Variants in EFNB1 observed in about 807,000 individuals in gnomAD.
EFNB1 encodes the protein ephrin B1, also known as ephrin-B1.
In EFNB1, 1 loss-of-function variant was observed where a neutral mutation model predicts 18.1. The observed-to-expected ratio is 0.06, with a 90% CI of 0.02 to 0.26. EFNB1 has a LOEUF of 0.26. Ranked by LOEUF, EFNB1 falls within the 10% of genes least tolerant of loss-of-function variation. The pLI, the probability that EFNB1 is intolerant of heterozygous loss-of-function variation, is 1.00. For missense variants in EFNB1, 221 were observed against 301.8 expected, an observed-to-expected ratio of 0.73 and a Z score of 1.98; for synonymous variants, 131 against 127.5, an observed-to-expected ratio of 1.03 and a Z score of -0.19.
At chrX:68,829,934 G>C in intron 1 of EFNB1, 30 bp downstream of exon 1, 2 of 1,167,745 alleles carry the variant, frequency 1.7e-6, no homozygotes, top group African/African-American at 1.8e-5. Flanking sequence ...TGGACGCTGG[G>C]GTGGGAGGCA....
Position 68,838,160 on chromosome X carries a change from TGTGTGTGTGTGTGC to T in EFNB1, c.129-455_129-442del, listed in dbSNP as rs1379141160. 1.3e-4 allele frequency among the ~76,000 whole-genome samples: 7 copies of T among 54,251 alleles called. No homozygotes were observed. In the South Asian group the frequency reaches 2.2e-3, roughly 17 times the overall value. The allele number at this position is 54,251 out of a possible 115,157, so 47.1% of individuals were successfully genotyped here. The stretch of plus-strand genomic sequence containing the variant: ...GTGTGTGTGTGTGTGTGTGTGTGTG[TGTGTGTGTGTGTGC>T]GCGCGCGCGCGCGCACGTGTGTATG... On this transcript the variant is annotated intron_variant, in intron 1 of 4. Transcript: ENST00000204961.
chrX:68,833,489 G>C (rs936278425), intron 1 of EFNB1, among the ~76,000 whole-genome samples: 1 of 112,115 alleles, frequency 8.9e-6, no homozygotes, highest in Non-Finnish European at 1.9e-5. Context: ...ATGGGGATGC[G>C]TGGGCCCTGG....
Position 68,840,459 on chromosome X carries a change from C to G in EFNB1, c.846C>G (p.Leu282=). 2.5e-6 allele frequency: 3 copies of G among 1,211,833 alleles called. No individual in the cohort carries two copies. Among genetic ancestry groups the G allele is most frequent in the Non-Finnish European group, 1.1e-6 (1 of 895,451 alleles). Residue 282 remains leucine (L), a synonymous_variant, in exon 5 of 5, where the codon CTC becomes CTG. Coordinates refer to ENST00000204961, the MANE Select transcript of EFNB1 (RefSeq NM_004429.5). ...AGCAGCGGGCGGCTGCCCTCTCGCT[C>G]AGTACCCTGGCCAGTCCCAAGGGGG... ...HTQQRAAALS[L]STLASPKGGS...
chrX:68,829,648 A>T lies in EFNB1; in HGVS notation c.-129A>T. 9.3e-7 allele frequency: 1 copy of T among 1,073,435 alleles called. No homozygotes were observed. The highest frequency in any genetic ancestry group is 1.3e-6 in the Non-Finnish European group (1 of 799,989). 88.5% of individuals were successfully genotyped at this position (1,073,435 alleles called of 1,213,427 possible). On this transcript the variant is annotated 5_prime_UTR_variant, in exon 1 of 5. Transcript: ENST00000204961. Reference sequence around the variant, plus strand: ...ACACCGAAGCCGGCGGGAGGGGAGCACTTCAAGGCCGGCGGCTGCGGAGGA... The same window carrying T: ...ACACCGAAGCCGGCGGGAGGGGAGCTCTTCAAGGCCGGCGGCTGCGGAGGA...
Position 68,840,019 on chromosome X carries a change from A to G in EFNB1, c.559A>G (p.Asn187Asp). 1 of 1,212,063 alleles carries G rather than the reference A, an allele frequency of 8.3e-7. No homozygotes were observed. Among genetic ancestry groups the G allele is most frequent in the Non-Finnish European group, 1.1e-6 (1 of 895,539 alleles). The change falls in exon 4 of 5, where the codon AAC becomes GAC. Residue 187 changes from asparagine (N) to aspartate (D), a missense_variant. Physicochemically the swap from Asn to Asp is conservative, Grantham distance 23. Transcript: ENST00000204961. ...CAGCAGGCCCAGCAAGGAGGCAGAC[A>G]ACACTGTCAAGATGGCCACACAGGC... is the stretch of plus-strand genomic sequence containing the variant. The part of the protein sequence containing the change: ...TTSRPSKEAD[N>D]TVKMATQAPG...
chrX:68,840,339 G>A lies in EFNB1; in HGVS notation c.726G>A (p.Ala242=), dbSNP rs748930955. The A allele has an allele frequency of 1.2e-5, 14 of 1,210,060 alleles. No individual in the cohort carries two copies. In the South Asian group the frequency reaches 2.1e-4, roughly 18 times the overall value. The part of the protein sequence containing the change: ...GFFNSKVALF[A]AVGAGCVIFL... ...TCAACTCCAAGGTGGCATTGTTCGC[G>A]GCTGTCGGTGCCGGTTGCGTCATCT... Residue 242 remains alanine (A), a synonymous_variant, in exon 5 of 5, where the codon GCG becomes GCA. Transcript: ENST00000204961.
At chrX:68,832,759 G>C (rs1372191513) in intron 1 of EFNB1, among the ~76,000 whole-genome samples, 1 of 110,730 alleles carries the variant, frequency 9.0e-6, no homozygotes, top group Non-Finnish European at 1.9e-5. Context: ...AGCGCAAGGT[G>C]GGGGGATGGG....
chrX:68,839,034 G>A, intron 2 of EFNB1, 140 bp downstream of exon 2: 1 of 849,619 alleles, frequency 1.2e-6, no homozygotes, highest in Non-Finnish European at 1.7e-6. Context: ...TTTGAAGACT[G>A]GCATGTTCTC....
In EFNB1 at chrX:68,838,621, C is replaced by G; in HGVS notation, c.133C>G (p.Leu45Val). Reference protein sequence around the residue: ...VSWSSLNPKFLSGKGLVIYPK... With the variant: ...VSWSSLNPKFVSGKGLVIYPK... Reference sequence around the variant, plus strand: ...CATCTTCTTCCTTCTGGGCAGGTTCCTGAGTGGGAAGGGCTTGGTGATCTA... The same window carrying G: ...CATCTTCTTCCTTCTGGGCAGGTTCGTGAGTGGGAAGGGCTTGGTGATCTA... Residue 45 changes from leucine (L) to valine (V), a missense_variant, in exon 2 of 5, where the codon CTG becomes GTG. Leu to Val is a conservative substitution (Grantham distance 32). Transcript: ENST00000204961. 1.7e-6 allele frequency: 2 copies of G among 1,211,873 alleles called. No individual in the cohort carries two copies. Among genetic ancestry groups the G allele is most frequent in the Non-Finnish European group, 2.2e-6 (2 of 895,533 alleles).
At chrX:68,837,415 C>T (rs1022714846) in intron 1 of EFNB1, among the ~76,000 whole-genome samples, 5 of 112,132 alleles carry the variant, frequency 4.5e-5, no homozygotes, top group Non-Finnish European at 9.4e-5. Context: ...CCCCACTTTA[C>T]AAGAGAAGAA....
Position 68,840,794 on chromosome X carries a change from T to A in EFNB1, c.*140T>A. 4 of 699,817 alleles carry A rather than the reference T, an allele frequency of 5.7e-6. No homozygotes were observed. Among genetic ancestry groups the A allele is most frequent in the Non-Finnish European group, 8.5e-6 (4 of 469,297 alleles). The allele number at this position is 699,817 out of a possible 1,213,427, so 57.7% of individuals were successfully genotyped here. Reference sequence around the variant, plus strand: ...AGTTTCTTGGCTTTTATAATCCCCCTTTTTCCCTGCCCCCTGGGCTTCGGA... The same window carrying A: ...AGTTTCTTGGCTTTTATAATCCCCCATTTTCCCTGCCCCCTGGGCTTCGGA... On this transcript the variant is annotated 3_prime_UTR_variant, in exon 5 of 5. Coordinates refer to ENST00000204961, the MANE Select transcript of EFNB1 (RefSeq NM_004429.5).
At chrX:68,830,013 C>A in intron 1 of EFNB1, 109 bp downstream of exon 1, 3 of 982,427 alleles carry the variant, frequency 3.1e-6, no homozygotes, top group Non-Finnish European at 4.1e-6. Context: ...AGCGGCGCCT[C>A]ATTTTGTCTC....
intron 1 of EFNB1, among the ~76,000 whole-genome samples, chrX:68,837,592 T>G (rs1397757628): frequency 8.9e-6 from 1 of 112,525 alleles, no homozygotes; most frequent in Non-Finnish European, 1.9e-5. Context: ...ATTTTCTTTC[T>G]GTGTGCTTAG....
intron 3 of EFNB1, 82 bp from the exon 4 acceptor site, chrX:68,839,878 C>T: frequency 8.3e-7 from 1 of 1,198,789 alleles, no homozygotes; most frequent in Non-Finnish European, 1.1e-6. Flanking sequence ...GTATCCAGGC[C>T]ATTCTTGGCC....
chrX:68,840,591 C>T lies in EFNB1; in HGVS notation c.978C>T (p.His326=). ...AGAAGGTGAGTGGGGACTACGGGCA[C>T]CCTGTCTACATCGTCCAAGAGATGC... ...HYEKVSGDYG[H]PVYIVQEMPP... The change falls in exon 5 of 5, where the codon CAC becomes CAT. Residue 326 remains histidine (H), a synonymous_variant. Coordinates refer to ENST00000204961, the MANE Select transcript of EFNB1 (RefSeq NM_004429.5). 1 of 1,211,178 alleles carries T rather than the reference C, an allele frequency of 8.3e-7. No individual in the cohort carries two copies. Among genetic ancestry groups the T allele is most frequent in the Non-Finnish European group, 1.1e-6 (1 of 895,277 alleles).
intron 1 of EFNB1, among the ~76,000 whole-genome samples, chrX:68,836,827 C>A (rs1029526470): frequency 2.8e-5 from 3 of 107,291 alleles, no homozygotes; most frequent in African/African-American, 1.0e-4. Flanking sequence ...ACCCTGCTTG[C>A]TGTGACCCTT....
intron 1 of EFNB1, among the ~76,000 whole-genome samples, chrX:68,833,059 A>G (rs1488511022): frequency 1.9e-5 from 2 of 107,436 alleles, no homozygotes; most frequent in Non-Finnish European, 3.9e-5. Flanking sequence ...CACATTACAA[A>G]CATTCCCTAC....
In EFNB1 at chrX:68,829,709, A is replaced by G; in HGVS notation, c.-68A>G. On this transcript the variant is annotated 5_prime_UTR_variant, in exon 1 of 5. Transcript: ENST00000204961. Reference sequence around the variant, plus strand: ...AGCGGCTCCGAGCGCAGCGCGGCAGAGGAAGGCGAGGCGAGCTTTGGTGAG... The same window carrying G: ...AGCGGCTCCGAGCGCAGCGCGGCAGGGGAAGGCGAGGCGAGCTTTGGTGAG... 5.2e-6 allele frequency: 6 copies of G among 1,162,407 alleles called. No homozygotes were observed. The highest frequency in any genetic ancestry group is 6.9e-6 in the Non-Finnish European group (6 of 871,932).
rs769924783 is a variant in EFNB1, at chrX:68,837,919, G to A, written c.129-698G>A. On this transcript the variant is annotated intron_variant, in intron 1 of 4. Transcript: ENST00000204961. ...TGAATTGCCAGTAGGACAATAGGCA[G>A]TGGGAGTGAGCAGAGCTGCACCTGG... Among the ~76,000 whole-genome samples the A allele has an allele frequency of 4.5e-4, 51 of 112,491 alleles. No individual in the cohort carries two copies. In the South Asian group the frequency reaches 4.8e-3, roughly 11 times the overall value.
Sources: allele counts gnomAD v4.1 joint callset (sites outside exome capture counted in the v4.1 genomes callset), GRCh38; gene constraint gnomAD v4.1.1; transcripts MANE v1.5; gene names NCBI Gene and HGNC (gene_info 2026-07-23, HGNC 2026-07-21).